The following ARID3C variants were observed in gnomAD, a reference collection of about 807,000 sequenced individuals.
ARID3C encodes the protein AT-rich interactive domain-containing protein 3C.
ARID3C carries 42 observed loss-of-function variants against 37.9 expected under a neutral mutation model. That is an observed-to-expected ratio of 1.11 (90% CI 0.87 to 1.43). ARID3C has a LOEUF of 1.43. ARID3C is among the 40% of genes most tolerant of loss of function. ARID3C has a pLI of 0.00. For synonymous variants in ARID3C, 213 were observed against 228.0 expected (o/e 0.93, Z 0.59); for missense variants, 581 against 548.8 (o/e 1.06, Z -0.59).
At chr9:34,622,740 TG>T (rs1233560238) in intron 4 of ARID3C, among the ~76,000 whole-genome samples, 1 of 152,166 alleles carries the variant, frequency 6.6e-6, no homozygotes, top group African/African-American at 2.4e-5. Context: ...CTAGACAATT[TG>T]GGGGATTGTT....
chr9:34,627,670 G>C (rs756929245), intron 1 of ARID3C, 27 bp downstream of exon 2: 1 of 1,560,312 alleles, frequency 6.4e-7, no homozygotes, highest in Admixed American at 1.9e-5. Flanking sequence ...AGGGAAGAGG[G>C]CCGGACATTG....
In ARID3C at chr9:34,622,237, G is replaced by A. The variant is rs1291882042; in HGVS notation, c.1048+110C>T. ...TCAGCCCCACACCTATACTCACACA[G>A]TTGTCTACAGAGGAATCTGTCTGCC... is the stretch of plus-strand genomic sequence containing the variant. On this transcript the variant is annotated intron_variant, in intron 5 of 6. Transcript: ENST00000378909. 4 of 1,566,756 alleles carry A rather than the reference G, an allele frequency of 2.6e-6. No individual in the cohort carries two copies. In the Admixed American group the frequency reaches 5.2e-5, roughly 20 times the overall value.
upstream of ARID3C, among the ~76,000 whole-genome samples, chr9:34,628,809 G>A (rs927567038): frequency 5.3e-5 from 8 of 152,188 alleles, no homozygotes; most frequent in African/African-American, 1.9e-4. The surrounding 1 kb of genome is among the most constrained non-coding windows in gnomAD (Gnocchi z 5.2). Flanking sequence ...CGCGGGGATG[G>A]AGGGCGGTGG....
chr9:34,621,382 C>A (rs1820554961), exon 7 of ARID3C: 1 of 1,093,544 alleles, frequency 9.1e-7, no homozygotes, highest in Non-Finnish European at 1.3e-6. Flanking sequence ...GAGTGGGCAG[C>A]CAGAAAGAAT....
At position 34,623,891 on chromosome 9, in the gene ARID3C, G is replaced by GT. The variant is rs1450794318; in HGVS notation, c.547dup (p.Thr183AsnfsTer105). ...GGTGCGTAGAGTGAAGGCGGCCGAG[G>GT]TGATGGTGGTGGGTAGGCTGAGGCC... On this transcript the variant is annotated frameshift_variant, in exon 3 of 7. Transcript: ENST00000378909. LOFTEE classifies it high-confidence loss of function. 3 of 1,601,010 alleles carry GT rather than the reference G, an allele frequency of 1.9e-6. No homozygotes were observed. The highest frequency in any genetic ancestry group is 2.5e-6 in the Non-Finnish European group (3 of 1,178,194).
In ARID3C at chr9:34,627,786, G is replaced by A. The variant is rs1386504985; in HGVS notation, c.229C>T (p.Arg77Cys). ...GAGCTGGGGCCCTGGGCCCCTGGAC[G>A]GCTCTCCTCAGCTGCCTCCTCCTCT... The change falls in exon 1 of 7, where the codon CGT (arginine) becomes TGT (cysteine). Residue 77 changes from arginine (R) to cysteine (C), a missense_variant. By Grantham distance (180) the Arg-to-Cys change is radical. Transcript: ENST00000378909. The A allele has an allele frequency of 3.1e-6, 5 of 1,613,894 alleles. No homozygotes were observed. The South Asian group carries it at 3.3e-5, about 11-fold the overall frequency.
upstream of ARID3C, among the ~76,000 whole-genome samples, chr9:34,631,862 CA>C (rs1440580200): frequency 6.6e-6 from 1 of 152,218 alleles, no homozygotes; most frequent in African/African-American, 2.4e-5. Context: ...GATCTACTTC[CA>C]AAATGGCTCA....
chr9:34,625,638 A>C, intron 2 of ARID3C, 104 bp downstream of exon 3: 1 of 1,245,030 alleles, frequency 8.0e-7, no homozygotes, highest in Non-Finnish European at 1.2e-6. Flanking sequence ...CCCAAAGGAC[A>C]GGTGCTGCCA....
chr9:34,628,953 G>C (rs891484302), upstream of ARID3C, among the ~76,000 whole-genome samples: 1 of 152,014 alleles, frequency 6.6e-6, no homozygotes, highest in Non-Finnish European at 1.5e-5. This position sits in a 1 kb window ranked among gnomAD's most constrained non-coding sequence, Gnocchi z 5.2. Context: ...GCGTCTCCAC[G>C]GCGCTGCCTT....
chr9:34,632,091 C>A (rs889436615), upstream of ARID3C, among the ~76,000 whole-genome samples: 12 of 152,190 alleles, frequency 7.9e-5, no homozygotes, highest in African/African-American at 4.8e-5. Context: ...CTAGTCCACT[C>A]AAGGGGAAGG....
chr9:34,626,304 C>A (rs569164997), intron 1 of ARID3C, among the ~76,000 whole-genome samples: 20 of 152,258 alleles, frequency 1.3e-4, no homozygotes, highest in African/African-American at 4.8e-4. Flanking sequence ...CCTAACCCAC[C>A]CCTCAGGCAG....
chr9:34,625,873 C>T, intron 1 of ARID3C, 59 bp from the exon 3 acceptor site: 5 of 1,590,664 alleles, frequency 3.1e-6, no homozygotes, highest in Non-Finnish European at 4.3e-6. Flanking sequence ...TCCCTTGACC[C>T]CAATTCAGGT....
chr9:34,627,541 T>C (rs532829911), intron 1 of ARID3C, among the ~76,000 whole-genome samples, 156 bp downstream of exon 2: 2 of 152,104 alleles, frequency 1.3e-5, no homozygotes, highest in African/African-American at 4.8e-5. Context: ...TATCCTCCAA[T>C]CTTCTCTCTG....
upstream of ARID3C, chr9:34,628,147 G>A (rs1820685058): frequency 1.6e-6 from 2 of 1,254,362 alleles, no homozygotes; most frequent in East Asian, 5.2e-5. This position sits in a 1 kb window ranked among gnomAD's most constrained non-coding sequence, Gnocchi z 5.2. Context: ...CCAACACAGG[G>A]GGAGGTGGTC....
At chr9:34,621,335 C>T (rs1159747281), downstream of ARID3C, 2 of 639,288 alleles carry the variant, frequency 3.1e-6, no homozygotes, top group South Asian at 2.7e-5. Flanking sequence ...GTCCACATGG[C>T]ATGGGAGGTG....
rs776337895 is a variant in ARID3C at position 34,623,652 on chromosome 9, A to C, written c.638T>G (p.Leu213Arg). ...CCGATTGCTGTCTATGGCGGCCTGG[A>C]GCTCCCCTGGGGAGCTGAGCGCTCG... Residue 213 changes from leucine to arginine, a missense_variant, in exon 4 of 7, where the codon CTC (leucine) becomes CGC (arginine). By Grantham distance (102) the Leu-to-Arg change is moderately radical. Coordinates refer to ENST00000378909, the Ensembl canonical transcript of ARID3C. 9.4e-6 allele frequency: 15 copies of C among 1,597,480 alleles called. No homozygotes were observed. In the African/African-American group the frequency reaches 1.9e-4, roughly 20 times the overall value.
At chr9:34,621,906 C>T (rs747263360) in intron 6 of ARID3C, 114 bp downstream of exon 7, 1 of 1,069,432 alleles carries the variant, frequency 9.4e-7, no homozygotes, top group Non-Finnish European at 1.4e-6. Flanking sequence ...CCATGTTACT[C>T]ATGCAAGTTT....
intron 3 of ARID3C, 38 bp from the exon 5 acceptor site, chr9:34,623,752 T>C (rs1476836089): frequency 1.3e-6 from 2 of 1,503,662 alleles, no homozygotes; most frequent in African/African-American, 2.7e-5. Context: ...TATGGGAGGC[T>C]GCACCCAGCT....
intron 1 of ARID3C, among the ~76,000 whole-genome samples, chr9:34,627,227 C>T (rs968940596): frequency 7.2e-5 from 11 of 152,190 alleles, no homozygotes; most frequent in African/African-American, 2.4e-4. Flanking sequence ...CATTCTGCTT[C>T]CAAAGACAGA....
Sources: allele counts gnomAD v4.1 joint callset (sites outside exome capture counted in the v4.1 genomes callset), GRCh38; gene constraint gnomAD v4.1.1; non-coding constraint Gnocchi (gnomAD v3.1); transcripts MANE v1.5; gene names NCBI Gene and HGNC (gene_info 2026-07-23, HGNC 2026-07-21).